PALD1: variants seen among roughly 807,000 people sequenced by gnomAD.
PALD1 encodes phosphatase domain containing paladin 1, also known as paladin.
In PALD1, 57 loss-of-function variants were observed where a neutral mutation model predicts 96.0. The observed-to-expected ratio is 0.59, with a 90% CI of 0.48 to 0.74. PALD1 has a LOEUF of 0.74. Among genes scored for constraint, PALD1 ranks in the 30% least tolerant of loss-of-function variants. The pLI is 0.00. For missense variants in PALD1, 1,063 were observed against 1,143.7 expected (o/e 0.93, Z 1.02); for synonymous variants, 464 against 473.6 (o/e 0.98, Z 0.26).
chr10:70,538,585 G>A (rs1385009750), intron 12 of PALD1, among the ~76,000 whole-genome samples, 177 bp downstream of exon 12: 1 of 151,978 alleles, frequency 6.6e-6, no homozygotes, highest in Non-Finnish European at 1.5e-5. Context: ...GCCCCAGCAA[G>A]CATTTGCAGC....
At chr10:70,466,184 G>A in the PALD1 span, among the ~76,000 whole-genome samples, 1 of 152,132 alleles carries the variant, frequency 6.6e-6, no homozygotes, top group Admixed American at 6.5e-5. Flanking sequence ...CTCACATTCA[G>A]TGGGTTGTCT....
At chr10:70,516,600 CTGGAG>C (rs976648426) in intron 1 of PALD1, among the ~76,000 whole-genome samples, 3 of 152,152 alleles carry the variant, frequency 2.0e-5, no homozygotes, top group African/African-American at 7.2e-5. Context: ...CTTGTCCAGG[CTGGAG>C]TGCAGTAGTT....
chr10:70,544,841 C>T (rs976028852), intron 17 of PALD1, among the ~76,000 whole-genome samples: 7 of 152,306 alleles, frequency 4.6e-5, no homozygotes, highest in Admixed American at 3.9e-4. Flanking sequence ...GCCAGATCTG[C>T]CACTAGTTCC....
upstream of PALD1, among the ~76,000 whole-genome samples, chr10:70,477,315 G>C (rs1845841963): frequency 1.3e-5 from 2 of 152,220 alleles, no homozygotes; most frequent in African/African-American, 4.8e-5. Context: ...CTTTGAAGGA[G>C]GATGAAGCCA....
intron 18 of PALD1, among the ~76,000 whole-genome samples, chr10:70,563,639 TG>T (rs1187787930): frequency 6.6e-6 from 1 of 152,138 alleles, no homozygotes; most frequent in East Asian, 1.9e-4. Flanking sequence ...GGGTGAGGGC[TG>T]GGGGATCTGA....
chr10:70,538,028 C>T (rs758529003), intron 11 of PALD1, 122 bp downstream of exon 11: 71 of 805,628 alleles, frequency 8.8e-5, no homozygotes, highest in Non-Finnish European at 1.4e-4. Flanking sequence ...GAAGGGAGGC[C>T]AGGAGAGACC....
rs762095768 is a variant in PALD1, at chr10:70,547,377, C to G, written c.2193C>G (p.Asp731Glu). ...AGAAGGAGGTGGACGCAGCGCTGGA[C>G]ACTGTCAGCGAGACCATGACGCCCA... ...RVKKEVDAALDTVSETMTPMH... is the reference protein window; with the variant it reads ...RVKKEVDAALETVSETMTPMH... Residue 731 changes from aspartate (D) to glutamate (E), a missense_variant, in exon 18 of 20, where the codon GAC becomes GAG. Physicochemically the swap from Asp to Glu is conservative, Grantham distance 45. Transcript: ENST00000263563. 1.9e-6 allele frequency: 3 copies of G among 1,611,024 alleles called. No individual in the cohort carries two copies. The South Asian group carries it at 3.3e-5, about 18-fold the overall frequency.
chr10:70,529,218 C>CG lies in PALD1; in HGVS notation c.186-11_186-10insG. 1 of 375,586 alleles carries CG rather than the reference C, an allele frequency of 2.7e-6. No homozygotes were observed. The highest frequency in any genetic ancestry group is 4.7e-6 in the Non-Finnish European group (1 of 211,272). 23.3% of individuals were successfully genotyped at this position (375,586 alleles called of 1,614,324 possible). On this transcript the variant is annotated splice_polypyrimidine_tract_variant and intron_variant, in intron 2 of 19. Coordinates refer to ENST00000263563, the MANE Select transcript of PALD1 (RefSeq NM_014431.3). ...CTCAGTTTCCATTCTGCCCCCCCCCCCCCCCCCCAGGTACAACTGCAAGGA... is the reference window on the plus strand; with the variant it reads ...CTCAGTTTCCATTCTGCCCCCCCCCCGCCCCCCCCAGGTACAACTGCAAGGA...
intron 1 of PALD1, among the ~76,000 whole-genome samples, chr10:70,512,785 A>G (rs1198027695): frequency 6.6e-6 from 1 of 152,240 alleles, no homozygotes; most frequent in Non-Finnish European, 1.5e-5. Flanking sequence ...GCAGGGCCCA[A>G]GTACAGTGTG....
chr10:70,540,643 A>G lies in PALD1; in HGVS notation c.1909-459A>G, dbSNP rs1010645083. ...CCTGGCGCATCTCTTCGCGGCTCTC[A>G]CTGCCTGCGGTCTGCTGCCTCCTGG... On this transcript the variant is annotated intron_variant, in intron 15 of 19. Coordinates refer to ENST00000263563, the MANE Select transcript of PALD1 (RefSeq NM_014431.3). The surrounding 1 kb of genome is among the most constrained non-coding windows in gnomAD (Gnocchi z 4.2). Among the ~76,000 whole-genome samples the G allele has an allele frequency of 2.0e-5, 3 of 152,036 alleles. No homozygotes were observed. The highest frequency in any genetic ancestry group is 3.9e-4 in the East Asian group (2 of 5,190).
At chr10:70,523,081 C>T (rs1048226818) in intron 1 of PALD1, among the ~76,000 whole-genome samples, 4 of 152,244 alleles carry the variant, frequency 2.6e-5, no homozygotes, top group Non-Finnish European at 5.9e-5. Context: ...TTTCAAAGGA[C>T]ATTGCTCTCC....
intron 1 of PALD1, among the ~76,000 whole-genome samples, chr10:70,515,769 C>G (rs1211448891): frequency 1.3e-5 from 2 of 152,138 alleles, no homozygotes. Flanking sequence ...TTGGGGAAAT[C>G]AAGCCATGAA....
chr10:70,546,143 G>A (rs560527123), intron 17 of PALD1, among the ~76,000 whole-genome samples: 4 of 152,018 alleles, frequency 2.6e-5, no homozygotes, highest in South Asian at 4.2e-4. Flanking sequence ...AGGCTGAGGC[G>A]GGAGAATTTC....
Position 70,534,835 on chromosome 10 carries a change from C to G in PALD1, c.1219C>G (p.Pro407Ala), listed in dbSNP as rs537906128. 1.9e-5 allele frequency: 30 copies of G among 1,608,084 alleles called. No individual in the cohort carries two copies. The African/African-American group carries it at 3.6e-4, about 19-fold the overall frequency. The change falls in exon 10 of 20, where the codon CCA (proline) becomes GCA (alanine). Residue 407 changes from proline to alanine, a missense_variant. Coordinates refer to ENST00000263563, the MANE Select transcript of PALD1 (RefSeq NM_014431.3). ...KKLEGIRPES[P>A]AQGSGSRHSV... The stretch of plus-strand genomic sequence containing the variant: ...GTTAGAAGGTATCCGACCGGAGAGC[C>G]CAGCCCAGGTGAGGCATGGAAGGAC...
the PALD1 span, among the ~76,000 whole-genome samples, chr10:70,473,073 T>C: frequency 1.3e-5 from 2 of 152,148 alleles, no homozygotes; most frequent in Non-Finnish European, 2.9e-5. Flanking sequence ...ACTCAGGTCT[T>C]GTCTGATGCA....
intron 1 of PALD1, among the ~76,000 whole-genome samples, chr10:70,482,095 G>T (rs1845942585): frequency 6.6e-6 from 1 of 152,208 alleles, no homozygotes; most frequent in Admixed American, 6.5e-5. Flanking sequence ...ACTCTGCAGG[G>T]CTTCCTCAGC....
At chr10:70,538,004 A>C in intron 11 of PALD1, 98 bp downstream of exon 11, 1 of 953,368 alleles carries the variant, frequency 1.0e-6, no homozygotes, top group Non-Finnish European at 1.7e-6. Flanking sequence ...AGACCCCCCA[A>C]GGAACCGGGG....
chr10:70,486,450 T>C (rs1467300351), intron 1 of PALD1: 1 of 152,252 alleles, frequency 6.6e-6, no homozygotes, highest in African/African-American at 2.4e-5. Flanking sequence ...GGCACCCTGG[T>C]TGACAGGGCC....
intron 2 of PALD1, among the ~76,000 whole-genome samples, chr10:70,527,110 G>A (rs986339684): frequency 3.3e-5 from 5 of 152,208 alleles, no homozygotes; most frequent in African/African-American, 1.2e-4. Flanking sequence ...GACAAAGGTG[G>A]GTTTGGGGCC....
Sources: gnomAD v4.1 joint callset for allele counts (sites outside exome capture counted in the v4.1 genomes callset) on GRCh38, gnomAD v4.1.1 for gene constraint, Gnocchi (gnomAD v3.1) non-coding constraint, MANE v1.5 for transcripts, NCBI Gene and HGNC (gene_info 2026-07-23, HGNC 2026-07-21) for gene names.